EIF4ENIF1: variants seen among roughly 807,000 people sequenced by gnomAD.
EIF4ENIF1 encodes the protein eukaryotic translation initiation factor 4E transporter.
EIF4ENIF1 carries 23 observed loss-of-function variants against 110.5 expected under a neutral mutation model. That is an observed-to-expected ratio of 0.21 (90% CI 0.15 to 0.29). The LOEUF is 0.29. Among genes scored for constraint, EIF4ENIF1 ranks in the 10% least tolerant of loss-of-function variants. The pLI, the probability that EIF4ENIF1 is intolerant of heterozygous loss-of-function variation, is 1.00. For missense variants in EIF4ENIF1, 1,031 were observed against 1,221.1 expected (o/e 0.84, Z 2.32); for synonymous variants, 440 against 437.0 (o/e 1.01, Z -0.09).
intron 7 of EIF4ENIF1, among the ~76,000 whole-genome samples, chr22:31,456,278 C>T (rs1458425911): frequency 7.5e-5 from 11 of 147,306 alleles, no homozygotes; most frequent in Admixed American, 2.1e-4. Context: ...GGCTGGAGTG[C>T]AGTGGCACGA....
At chr22:31,472,291 T>C (rs965886114) in intron 2 of EIF4ENIF1, among the ~76,000 whole-genome samples, 8 of 147,116 alleles carry the variant, frequency 5.4e-5, no homozygotes, top group African/African-American at 2.1e-4. Context: ...TTTTTTTACA[T>C]GGAATCTCAC....
At chr22:31,469,626 C>T (rs1283178446) in intron 3 of EIF4ENIF1, among the ~76,000 whole-genome samples, 2 of 152,188 alleles carry the variant, frequency 1.3e-5, no homozygotes, top group Non-Finnish European at 2.9e-5. Context: ...TCTCCTCTTT[C>T]TTATTTTTAC....
intron 10 of EIF4ENIF1, among the ~76,000 whole-genome samples, chr22:31,452,546 G>C (rs1345647375): frequency 6.6e-6 from 1 of 152,086 alleles, no homozygotes; most frequent in Non-Finnish European, 1.5e-5. Flanking sequence ...AATAAAATGT[G>C]GAAAAACATC....
At chr22:31,462,548 T>G (rs1453896273) in intron 6 of EIF4ENIF1, among the ~76,000 whole-genome samples, 1 of 152,118 alleles carries the variant, frequency 6.6e-6, no homozygotes, top group Non-Finnish European at 1.5e-5. Context: ...CCTATACATC[T>G]GGTGCCCATT....
intron 2 of EIF4ENIF1, among the ~76,000 whole-genome samples, chr22:31,473,017 C>CT (rs1466677576): frequency 6.6e-6 from 1 of 151,496 alleles, no homozygotes; most frequent in African/African-American, 2.4e-5. Context: ...ATTCTATTCT[C>CT]TATCTCCACG....
intron 2 of EIF4ENIF1, among the ~76,000 whole-genome samples, chr22:31,478,990 C>A (rs1241307381): frequency 6.7e-6 from 1 of 150,218 alleles, no homozygotes; most frequent in Non-Finnish European, 1.5e-5. Flanking sequence ...TTACAACTGT[C>A]CACATAATAT....
At chr22:31,486,705 G>A (rs534315538) in intron 2 of EIF4ENIF1, among the ~76,000 whole-genome samples, 1 of 152,334 alleles carries the variant, frequency 6.6e-6, no homozygotes, top group African/African-American at 2.4e-5. Context: ...CTTGAACCCA[G>A]GAGGCAGAGG....
chr22:31,441,778 T>G lies in EIF4ENIF1; in HGVS notation c.2547A>C (p.Gln849His), dbSNP rs1280328735. 1 of 1,608,550 alleles carries G rather than the reference T, an allele frequency of 6.2e-7. No individual in the cohort carries two copies. The highest frequency in any genetic ancestry group is 8.5e-7 in the Non-Finnish European group (1 of 1,176,182). ...VHPQHLPSLL[Q>H]TGVLPPGMDL... ...CAAGTCAGGCTGGAAACTCACCAGT[T>G]TGGAGCAAACTTGGAAGATGCTGTG... The change falls in exon 17 of 19, where the codon CAA becomes CAC. Residue 849 changes from glutamine (Q) to histidine (H), a missense_variant. This residue lies in a region of EIF4ENIF1 where 309 missense variants were observed against 299.1 expected (regional missense o/e 1.03). Transcript: ENST00000330125.
chr22:31,482,795 G>A (rs1169106930), intron 2 of EIF4ENIF1, among the ~76,000 whole-genome samples: 1 of 151,744 alleles, frequency 6.6e-6, no homozygotes, highest in Non-Finnish European at 1.5e-5. Flanking sequence ...AGGCCAAGGT[G>A]GGTGGATCAT....
intron 2 of EIF4ENIF1, among the ~76,000 whole-genome samples, chr22:31,487,308 G>A (rs1227890617): frequency 4.6e-5 from 7 of 152,162 alleles, no homozygotes; most frequent in South Asian, 4.1e-4. Context: ...AATCAACCAA[G>A]AACACTTTAC....
At chr22:31,458,385 G>A in intron 7 of EIF4ENIF1, 90 bp downstream of exon 7, 1 of 1,177,554 alleles carries the variant, frequency 8.5e-7, no homozygotes, top group Non-Finnish European at 1.1e-6. Context: ...AACCCCAAAA[G>A]CATCTAGCAA....
At chr22:31,458,218 A>T (rs1051726819) in intron 7 of EIF4ENIF1, among the ~76,000 whole-genome samples, 6 of 149,182 alleles carry the variant, frequency 4.0e-5, no homozygotes, top group African/African-American at 7.3e-5. Flanking sequence ...ACAGAGTAAG[A>T]TTCCAACTCA....
intron 14 of EIF4ENIF1, among the ~76,000 whole-genome samples, chr22:31,446,571 G>C (rs757578409): frequency 1.3e-5 from 2 of 152,148 alleles, no homozygotes; most frequent in Admixed American, 6.5e-5. Flanking sequence ...TAAGTACCGA[G>C]TATTTTAAAG....
At chr22:31,472,307 A>G (rs1005606992) in intron 2 of EIF4ENIF1, among the ~76,000 whole-genome samples, 13 of 148,146 alleles carry the variant, frequency 8.8e-5, no homozygotes, top group Non-Finnish European at 1.5e-4. Context: ...CTCACTCTGT[A>G]GCCCAGGATG....
At chr22:31,453,043 AG>A (rs919154416) in intron 10 of EIF4ENIF1, among the ~76,000 whole-genome samples, 10 of 150,896 alleles carry the variant, frequency 6.6e-5, no homozygotes, top group South Asian at 2.1e-4. Context: ...CAGGAAAAAA[AG>A]AGAGAAAACT....
At chr22:31,445,759 A>T (rs1462885187) in intron 14 of EIF4ENIF1, among the ~76,000 whole-genome samples, 5 of 152,118 alleles carry the variant, frequency 3.3e-5, no homozygotes, top group Admixed American at 3.3e-4. Context: ...TGATGAATAC[A>T]ATTTAAAAAA....
At chr22:31,460,584 G>A (rs903802486) in intron 6 of EIF4ENIF1, among the ~76,000 whole-genome samples, 7 of 151,140 alleles carry the variant, frequency 4.6e-5, no homozygotes, top group African/African-American at 1.5e-4. Flanking sequence ...AGCCAAGATC[G>A]CACCACTGCA....
Position 31,442,084 on chromosome 22 carries a change from G to A in EIF4ENIF1, c.2241C>T (p.Ala747=), listed in dbSNP as rs140830089. The A allele has an allele frequency of 2.2e-4, 354 of 1,614,036 alleles. 2 individuals are homozygous for A. The East Asian group carries it at 6.6e-3, about 30-fold the overall frequency. The change falls in exon 17 of 19, where the codon GCC becomes GCT. Residue 747 remains alanine, a synonymous_variant. Transcript: ENST00000330125. ...NLLSSSSVPS[A]DRDSSPTTNS... is the part of the protein sequence containing the mutation. Reference sequence around the variant, plus strand: ...TTGTAGTGGGAGAAGAGTCTCGATCGGCACTGGGTACAGAGCTGGATGACA... The same window carrying A: ...TTGTAGTGGGAGAAGAGTCTCGATCAGCACTGGGTACAGAGCTGGATGACA...
downstream of EIF4ENIF1, chr22:31,437,038 AAT>A (rs2050181014): frequency 6.6e-6 from 1 of 152,180 alleles, no homozygotes. Context: ...CTTCCCTGTT[AAT>A]AGAGTCTGGC....
Sources: allele counts gnomAD v4.1 joint callset (sites outside exome capture counted in the v4.1 genomes callset), GRCh38; gene constraint gnomAD v4.1.1; regional missense constraint gnomAD v4.1.1; transcripts MANE v1.5; gene names NCBI Gene and HGNC (gene_info 2026-07-23, HGNC 2026-07-21).